Variants in HIRIP3 observed in about 807,000 individuals in gnomAD.
HIRIP3 encodes the protein HIRA interacting protein 3.
Under a neutral mutation model 50.3 loss-of-function variants are expected in HIRIP3, and 40 were observed. The ratio of observed to expected loss-of-function variants is 0.79; its 90% CI spans 0.62 to 1.03. The LOEUF (loss-of-function observed/expected upper bound fraction) is 1.03. HIRIP3 is among the 50% of genes least tolerant of loss of function. HIRIP3 has a pLI of 0.00. For missense variants in HIRIP3, 765 were observed against 705.4 expected, an observed-to-expected ratio of 1.08 and a Z score of -0.96; for synonymous variants, 318 against 261.6, an observed-to-expected ratio of 1.22 and a Z score of -2.08.
Position 29,993,778 on chromosome 16 carries a change from G to C in HIRIP3, c.1270C>G (p.Pro424Ala), listed in dbSNP as rs533418828. 91 of 1,611,440 alleles carry C rather than the reference G, an allele frequency of 5.6e-5. 1 individual carries two copies. In the South Asian group the frequency reaches 9.2e-4, roughly 16 times the overall value. ...TAGCGCTTCAGCCTCATCACAGCCG[G>C]GTGGTCCTCTCCACGGCGACCTGAG... ...AGSGRRGEDHPAVMRLKRYIR... is the reference protein window; with the variant it reads ...AGSGRRGEDHAAVMRLKRYIR... Residue 424 changes from proline to alanine, a missense_variant, in exon 5 of 7, where the codon CCG (proline) becomes GCG (alanine). Pro to Ala is a conservative substitution (Grantham distance 27, BLOSUM62 -1). Transcript: ENST00000279392.
intron 3 of HIRIP3, 95 bp from the exon 4 acceptor site, chr16:29,994,938 T>TGGAG: frequency 3.3e-6 from 5 of 1,509,206 alleles, no homozygotes; most frequent in Non-Finnish European, 3.6e-6. Context: ...CCCTGACAGT[T>TGGAG]GGAGGGGCAG....
rs756214996 is a variant in HIRIP3 at position 29,994,638 on chromosome 16, C to T, written c.507G>A (p.Gly169=). 5.0e-6 allele frequency: 8 copies of T among 1,614,142 alleles called. No homozygotes were observed. Among genetic ancestry groups the T allele is most frequent in the East Asian group, 4.5e-5 (2 of 44,882 alleles). ...TTACCACAGGTTTCTTCCTAGTCTT[C>T]CCCTTGTACCCCTTTTCCTCCTCCT... is the stretch of plus-strand genomic sequence containing the variant. The part of the protein sequence containing the change: ...SSEEEEKGYK[G]KTRKKPVVKK... The change falls in exon 4 of 7, where the codon GGG becomes GGA. Residue 169 remains glycine (G), a synonymous_variant. Coordinates refer to ENST00000279392, the MANE Select transcript of HIRIP3 (RefSeq NM_003609.5).
chr16:29,993,621 A>G lies in HIRIP3; in HGVS notation c.1408+19T>C, dbSNP rs1396742393. 6.2e-7 allele frequency: 1 copy of G among 1,612,106 alleles called. No individual in the cohort carries two copies. The highest frequency in any genetic ancestry group is 1.1e-5 in the South Asian group (1 of 91,046). ...AGGAAGGCCCTCTCCTGCAGCCCCC[A>G]GGGCACGCCGGGCCTCACCCTTCAT... is the stretch of plus-strand genomic sequence containing the variant. On this transcript the variant is annotated intron_variant, in intron 5 of 6. Coordinates refer to ENST00000279392, the MANE Select transcript of HIRIP3 (RefSeq NM_003609.5).
Position 29,993,192 on chromosome 16 carries a change from T to C in HIRIP3, c.*15A>G. ...TTGTACATGTATCAAGGGTCCCTCC[T>C]GGGGGTGGCAGAGCTCAGTTACTCT... On this transcript the variant is annotated 3_prime_UTR_variant, in exon 7 of 7. Coordinates refer to ENST00000279392, the MANE Select transcript of HIRIP3 (RefSeq NM_003609.5). 2 of 1,582,710 alleles carry C rather than the reference T, an allele frequency of 1.3e-6. No individual in the cohort carries two copies. The highest frequency in any genetic ancestry group is 1.7e-6 in the Non-Finnish European group (2 of 1,163,632).
chr16:29,993,737 A>G lies in HIRIP3; in HGVS notation c.1311T>C (p.Gly437=). The change falls in exon 5 of 7, where the codon GGT becomes GGC. Residue 437 remains glycine, a synonymous_variant. Transcript: ENST00000279392. ...MRLKRYIRAC[G]AHRNYKKLLG... is the part of the protein sequence containing the mutation. ...ACAGCTTCTTGTAGTTTCGATGGGC[A>G]CCACAGGCCCGAATGTAGCGCTTCA... The G allele has an allele frequency of 6.2e-7, 1 of 1,609,222 alleles. No homozygotes were observed. The highest frequency in any genetic ancestry group is 8.5e-7 in the Non-Finnish European group (1 of 1,179,988).
chr16:29,995,723 G>T, upstream of HIRIP3: 1 of 1,313,094 alleles, frequency 7.6e-7, no homozygotes, highest in Non-Finnish European at 1.1e-6. Context: ...GGGACCGTTG[G>T]CCCTTGGCCG....
chr16:29,995,361 C>T lies in HIRIP3; in HGVS notation c.168G>A (p.Glu56=), dbSNP rs1003059588. Residue 56 remains glutamate (E), a synonymous_variant, in exon 2 of 7, where the codon GAG becomes GAA. Transcript: ENST00000279392. ...GGCACACCTGCATCTTCAGCAGCTC[C>T]TCCTCCACCAGCCGCTTCAGTGCCT... ...EKQALKRLVE[E]ELLKMQVDEA... is the part of the protein sequence containing the mutation. 5.6e-6 allele frequency: 9 copies of T among 1,612,020 alleles called. No individual in the cohort carries two copies. The Admixed American group carries it at 8.3e-5, about 15-fold the overall frequency.
upstream of HIRIP3, chr16:29,995,723 G>GC (rs2070083428): frequency 1.5e-6 from 2 of 1,313,096 alleles, no homozygotes; most frequent in South Asian, 1.3e-5. Flanking sequence ...GGGACCGTTG[G>GC]CCCTTGGCCG....
At position 29,993,340 on chromosome 16, in the gene HIRIP3, G is replaced by A; in HGVS notation, c.1538C>T (p.Pro513Leu). The change falls in exon 7 of 7, where the codon CCT becomes CTT. Residue 513 changes from proline (P) to leucine (L), a missense_variant. Transcript: ENST00000279392. ...GRPRRRTAWN[P>L]LGEAAPPGEL... ...CCCTGGGGGTGCTGCTTCTCCTAAA[G>A]GGTTCCAGGCTGTACGTCTGCGTGG... 6.5e-7 allele frequency: 1 copy of A among 1,542,564 alleles called. No homozygotes were observed. The highest frequency in any genetic ancestry group is 8.8e-7 in the Non-Finnish European group (1 of 1,141,996).
At position 29,995,171 on chromosome 16, in the gene HIRIP3, T is replaced by C. The variant is rs772962130; in HGVS notation, c.233A>G (p.Lys78Arg). 6.2e-7 allele frequency: 1 copy of C among 1,614,262 alleles called. No individual in the cohort carries two copies. The highest frequency in any genetic ancestry group is 8.5e-7 in the Non-Finnish European group (1 of 1,180,044). The stretch of plus-strand genomic sequence containing the variant: ...ACAAGGGGTGGGAGGCCTCTTGCCC[T>C]TCTTGGTAAGGTCCAGTTTGTCTTC... ...SREDKLDLTK[K>R]GKRPPTPCSD... is the part of the protein sequence containing the mutation. The change falls in exon 3 of 7, where the codon AAG (lysine) becomes AGG (arginine). Residue 78 changes from lysine (K) to arginine (R), a missense_variant. Lys to Arg is a conservative substitution (Grantham distance 26, BLOSUM62 2). Coordinates refer to ENST00000279392, the MANE Select transcript of HIRIP3 (RefSeq NM_003609.5).
At chr16:29,995,636 C>G (rs751550181), upstream of HIRIP3, 15 of 1,609,820 alleles carry the variant, frequency 9.3e-6, no homozygotes, top group Non-Finnish European at 1.2e-5. Context: ...CGGCTCCCGC[C>G]TTTTTTTCTT....
Position 29,993,707 on chromosome 16 carries a change from G to A in HIRIP3, c.1341C>T (p.Gly447=), listed in dbSNP as rs1304344241. 6.2e-7 allele frequency: 1 copy of A among 1,608,774 alleles called. No individual in the cohort carries two copies. The highest frequency in any genetic ancestry group is 8.5e-7 in the Non-Finnish European group (1 of 1,179,846). ...GGCGCTCCTTGTGTGAGCAACAGGA[G>A]CCCAACAGCTTCTTGTAGTTTCGAT... ...GAHRNYKKLL[G]SCCSHKERLS... is the part of the protein sequence containing the mutation. The change falls in exon 5 of 7, where the codon GGC becomes GGT. Residue 447 remains glycine (G), a synonymous_variant. Transcript: ENST00000279392.
Position 29,993,171 on chromosome 16 carries a change from A to G in HIRIP3, c.*36T>C, listed in dbSNP as rs759221817. On this transcript the variant is annotated 3_prime_UTR_variant, in exon 7 of 7. Transcript: ENST00000279392. ...GCAAGGGGTGCTATGTATGCTTTGT[A>G]CATGTATCAAGGGTCCCTCCTGGGG... 24 of 1,549,066 alleles carry G rather than the reference A, an allele frequency of 1.5e-5. No individual in the cohort carries two copies. The South Asian group carries it at 2.6e-4, about 17-fold the overall frequency.
chr16:29,994,499 C>CT lies in HIRIP3; in HGVS notation c.645dup (p.Gly216ArgfsTer3). 6.2e-7 allele frequency: 1 copy of CT among 1,614,092 alleles called. No homozygotes were observed. The highest frequency in any genetic ancestry group is 8.5e-7 in the Non-Finnish European group (1 of 1,180,032). ...TCACTTTCCTTCAGGCTTTTAGTTC[C>CT]TTTATTTCCCTCCACCTTCTTTGCT... On this transcript the variant is annotated frameshift_variant, in exon 4 of 7. Coordinates refer to ENST00000279392, the MANE Select transcript of HIRIP3 (RefSeq NM_003609.5). LOFTEE classifies it high-confidence loss of function.
Position 29,995,173 on chromosome 16 carries a change from C to CTTGGTAAGG in HIRIP3, c.222_230dup (p.Thr76_Lys77insAsnLeuThr). 1.2e-6 allele frequency: 2 copies of CTTGGTAAGG among 1,614,268 alleles called. No individual in the cohort carries two copies. The highest frequency in any genetic ancestry group is 1.7e-6 in the Non-Finnish European group (2 of 1,180,058). On this transcript the variant is annotated inframe_insertion, in exon 3 of 7. Transcript: ENST00000279392. Reference sequence around the variant, plus strand: ...AAGGGGTGGGAGGCCTCTTGCCCTTCTTGGTAAGGTCCAGTTTGTCTTCCC... The same window carrying CTTGGTAAGG: ...AAGGGGTGGGAGGCCTCTTGCCCTTCTTGGTAAGGTTGGTAAGGTCCAGTTTGTCTTCCC...
In HIRIP3 at chr16:29,995,380, AG is replaced by A; in HGVS notation, c.148del (p.Leu50Ter). The part of the protein sequence containing the change: ...SHLEPEEKQA[L>X]KRLVEEELLK... ...CAGCTCCTCCTCCACCAGCCGCTTC[AG>A]TGCCTGCTTCTCCTCGGGCTCCAGG... On this transcript the variant is annotated frameshift_variant, in exon 2 of 7. Transcript: ENST00000279392. LOFTEE classifies it high-confidence loss of function. The A allele has an allele frequency of 6.2e-7, 1 of 1,613,308 alleles. No individual in the cohort carries two copies. Among genetic ancestry groups the A allele is most frequent in the Non-Finnish European group, 8.5e-7 (1 of 1,179,760 alleles).
In HIRIP3 at chr16:29,994,536, G is replaced by A. The variant is rs1180908697; in HGVS notation, c.609C>T (p.Pro203=). The change falls in exon 4 of 7, where the codon CCC becomes CCT. Residue 203 remains proline, a synonymous_variant. Coordinates refer to ENST00000279392, the MANE Select transcript of HIRIP3 (RefSeq NM_003609.5). ...CCACCTTCTTTGCTGTCCTCTGAAC[G>A]GGTTCTGCCTCGCTCTCCTCACTTT... The part of the protein sequence containing the change: ...REESEESEAE[P]VQRTAKKVEG... The A allele has an allele frequency of 9.3e-6, 15 of 1,613,846 alleles. No individual in the cohort carries two copies. Among genetic ancestry groups the A allele is most frequent in the South Asian group, 4.4e-5 (4 of 91,072 alleles).
At chr16:29,996,032 A>AC, upstream of HIRIP3, 1 of 586,746 alleles carries the variant, frequency 1.7e-6, no homozygotes, top group Non-Finnish European at 3.0e-6. Flanking sequence ...GTCTAAGTAC[A>AC]TTAGAGTCAG....
rs2070004298 is a variant in HIRIP3 at position 29,993,028 on chromosome 16, T to TA, written c.*178dup. ...TTAAAAACACTCCTTTATTGAGTCT[T>TA]AAAAAATAAACACCTTAAAGGGACA... On this transcript the variant is annotated 3_prime_UTR_variant, in exon 7 of 7. Coordinates refer to ENST00000279392, the MANE Select transcript of HIRIP3 (RefSeq NM_003609.5). The TA allele has an allele frequency of 2.1e-6, 1 of 479,096 alleles. No homozygotes were observed. Among genetic ancestry groups the TA allele is most frequent in the East Asian group, 3.4e-5 (1 of 28,996 alleles). The allele number at this position is 479,096 out of a possible 1,614,324, so 29.7% of individuals were successfully genotyped here. A position where few individuals can be genotyped will look rare whatever the true frequency, so the allele number is the denominator to read the frequency against.
Sources: allele counts gnomAD v4.1 joint callset, GRCh38; gene constraint gnomAD v4.1.1; transcripts MANE v1.5; gene names NCBI Gene and HGNC (gene_info 2026-07-23, HGNC 2026-07-21).